Variants in ULBP1 observed in about 807,000 individuals in gnomAD.
ULBP1 encodes UL16 binding protein 1.
ULBP1 carries 28 observed loss-of-function variants against 25.3 expected under a neutral mutation model. The ratio of observed to expected loss-of-function variants is 1.10; its 90% CI spans 0.82 to 1.51. ULBP1 has a LOEUF of 1.51. ULBP1 is among the 40% of genes most tolerant of loss of function. ULBP1 has a pLI of 0.00. For synonymous variants in ULBP1, 129 were observed against 103.0 expected (o/e 1.25, Z -1.53); for missense variants, 348 against 290.9 (o/e 1.20, Z -1.43).
chr6:149,968,132 G>A (rs376933753), intron 1 of ULBP1, among the ~76,000 whole-genome samples: 3 of 152,134 alleles, frequency 2.0e-5, no homozygotes, highest in East Asian at 1.9e-4. Context: ...CTTTGCCAAC[G>A]TGTTAAATCA....
intron 1 of ULBP1, among the ~76,000 whole-genome samples, chr6:149,966,726 G>C (rs1779210812): frequency 6.6e-6 from 1 of 152,108 alleles, no homozygotes; most frequent in Non-Finnish European, 1.5e-5. Context: ...CTCTGAGGCT[G>C]TGTGGTCACT....
chr6:149,970,843 C>T (rs12211095), intron 4 of ULBP1, among the ~76,000 whole-genome samples: 53,079 of 152,190 alleles, frequency 0.35, 11,232 homozygotes, highest in Middle Eastern at 0.49. Context: ...GCAGAGTGGA[C>T]TCAGGCAGGG....
At position 149,970,158 on chromosome 6, in the gene ULBP1, C is replaced by A. The variant is rs768646322; in HGVS notation, c.*22+11C>A. ...TGTTTAGAGTGACAGGTACTGTGGGCAATATTGGGAGGGGAGCAAGAGGCA... is the reference window on the plus strand; with the variant it reads ...TGTTTAGAGTGACAGGTACTGTGGGAAATATTGGGAGGGGAGCAAGAGGCA... On this transcript the variant is annotated intron_variant, in intron 4 of 4. Coordinates refer to ENST00000229708, the MANE Select transcript of ULBP1 (RefSeq NM_025218.4). 8 of 1,570,838 alleles carry A rather than the reference C, an allele frequency of 5.1e-6. No homozygotes were observed. In the South Asian group the frequency reaches 9.4e-5, roughly 18 times the overall value.
intron 1 of ULBP1, among the ~76,000 whole-genome samples, chr6:149,965,129 TC>T (rs1435127047): frequency 3.5e-5 from 5 of 141,158 alleles, no homozygotes; most frequent in African/African-American, 1.4e-4. Flanking sequence ...TCCCCGAACA[TC>T]GCGGTCTCCC....
At chr6:149,969,963 C>T in intron 3 of ULBP1, 53 bp from the exon 4 acceptor site, 1 of 1,563,332 alleles carries the variant, frequency 6.4e-7, no homozygotes, top group Non-Finnish European at 8.7e-7. Flanking sequence ...AGGAGACATC[C>T]CCTAAGATTT....
chr6:149,971,432 G>C lies in ULBP1; in HGVS notation c.*86G>C. On this transcript the variant is annotated 3_prime_UTR_variant, in exon 5 of 5. Coordinates refer to ENST00000229708, the MANE Select transcript of ULBP1 (RefSeq NM_025218.4). ...TGGGTCCTGCTCTCCCTTCAGGGAG[G>C]CCGCCTGTCTACTCACCACTGTGCC... 1.0e-6 allele frequency: 1 copy of C among 980,604 alleles called. No homozygotes were observed. Among genetic ancestry groups the C allele is most frequent in the South Asian group, 4.7e-5 (1 of 21,198 alleles). 60.7% of individuals were successfully genotyped at this position (980,604 alleles called of 1,614,324 possible). A position where few individuals can be genotyped will look rare whatever the true frequency, so the allele number is the denominator to read the frequency against.
chr6:149,967,141 G>C (rs936245885), intron 1 of ULBP1, among the ~76,000 whole-genome samples: 1 of 152,172 alleles, frequency 6.6e-6, no homozygotes, highest in African/African-American at 2.4e-5. Context: ...AATTACCATC[G>C]AATGGGTCTA....
In ULBP1 at chr6:149,964,133, C is replaced by G; in HGVS notation, c.84C>G (p.Val28=). The part of the protein sequence containing the change: ...LLSGWSRAGW[V]DTHCLCYDFI... The stretch of plus-strand genomic sequence containing the variant: ...CTGGCTGGTCCCGGGCAGGATGGGT[C>G]GGTGAGTTCGGGGATGTAGCCTAAG... The change falls in exon 1 of 5, where the codon GTC becomes GTG. Residue 28 remains valine, a splice_region_variant and synonymous_variant. Transcript: ENST00000229708. 6.2e-7 allele frequency: 1 copy of G among 1,614,110 alleles called. No individual in the cohort carries two copies. Among genetic ancestry groups the G allele is most frequent in the Non-Finnish European group, 8.5e-7 (1 of 1,179,988 alleles).
chr6:149,968,962 C>G lies in ULBP1; in HGVS notation c.349+92C>G. The G allele has an allele frequency of 2.6e-6, 4 of 1,555,434 alleles. No individual in the cohort carries two copies. In the South Asian group the frequency reaches 5.0e-5, roughly 20 times the overall value. On this transcript the variant is annotated intron_variant, in intron 2 of 4. Coordinates refer to ENST00000229708, the MANE Select transcript of ULBP1 (RefSeq NM_025218.4). ...AAAAATAAATCAGAAGTTTGTGTCA[C>G]CCAAGAGGTTGAGGAGCATGGGCCG...
At chr6:149,966,612 G>C (rs1779209287) in intron 1 of ULBP1, among the ~76,000 whole-genome samples, 1 of 152,144 alleles carries the variant, frequency 6.6e-6, no homozygotes. Flanking sequence ...GGTTCCCTGT[G>C]GCCCTGCTCC....
At chr6:149,965,054 A>G (rs556003911) in intron 1 of ULBP1, among the ~76,000 whole-genome samples, 90 of 149,316 alleles carry the variant, frequency 6.0e-4, no homozygotes, top group Admixed American at 1.1e-3. Context: ...CCCATAGGCC[A>G]GGAGGCTTCT....
intron 4 of ULBP1, 89 bp from the exon 5 acceptor site, chr6:149,971,280 G>C: frequency 1.1e-6 from 1 of 928,030 alleles, no homozygotes; most frequent in Non-Finnish European, 1.3e-6. Context: ...GAGAGGTTCC[G>C]AAATGGGGAG....
At chr6:149,969,497 C>A in intron 3 of ULBP1, 137 bp downstream of exon 3, 2 of 1,183,514 alleles carry the variant, frequency 1.7e-6, no homozygotes, top group South Asian at 2.9e-5. Context: ...CCTGGGGGTC[C>A]TGGCATGCCT....
At chr6:149,968,919 A>C in intron 2 of ULBP1, 49 bp downstream of exon 2, 1 of 1,573,968 alleles carries the variant, frequency 6.4e-7, no homozygotes, top group Non-Finnish European at 8.6e-7. Flanking sequence ...ACTTAGAGTC[A>C]TTTATTGATT....
chr6:149,969,616 A>T (rs1779275908), intron 3 of ULBP1, among the ~76,000 whole-genome samples: 2 of 152,168 alleles, frequency 1.3e-5, no homozygotes, highest in South Asian at 4.1e-4. Flanking sequence ...TGTGGGTGTC[A>T]TAGTGTTTCC....
At position 149,971,721 on chromosome 6, in the gene ULBP1, T is replaced by C. The variant is rs1209519818; in HGVS notation, c.*375T>C. On this transcript the variant is annotated 3_prime_UTR_variant, in exon 5 of 5. Coordinates refer to ENST00000229708, the MANE Select transcript of ULBP1 (RefSeq NM_025218.4). ...GAAAAGCAGACACTTCTCTGAAACA[T>C]GACCTTATTCTTCCAAACAGTATCG... The C allele has an allele frequency of 6.6e-6, 1 of 152,220 alleles. No homozygotes were observed. Among genetic ancestry groups the C allele is most frequent in the Non-Finnish European group, 1.5e-5 (1 of 68,032 alleles). 9.4% of individuals were successfully genotyped at this position (152,220 alleles called of 1,614,324 possible). A position where few individuals can be genotyped will look rare whatever the true frequency, so the allele number is the denominator to read the frequency against.
chr6:149,970,643 C>T (rs1364600787), intron 4 of ULBP1, among the ~76,000 whole-genome samples: 1 of 152,202 alleles, frequency 6.6e-6, no homozygotes, highest in Non-Finnish European at 1.5e-5. Flanking sequence ...GGCTGCATTC[C>T]CAGAGAAAGC....
intron 1 of ULBP1, among the ~76,000 whole-genome samples, chr6:149,964,977 C>T (rs1351933736): frequency 6.7e-6 from 1 of 148,664 alleles, no homozygotes; most frequent in African/African-American, 2.5e-5. Context: ...ACATGCCCGG[C>T]TGAAGGCACT....
At position 149,972,918 on chromosome 6, in the gene ULBP1, A is replaced by C. The variant is rs1258177841; in HGVS notation, c.*1572A>C. Reference sequence around the variant, plus strand: ...TCAGCCACTATGGAAAGCAGTTTGGAGATTTCTCCAAGAACTTAAAATAGA... The same window carrying C: ...TCAGCCACTATGGAAAGCAGTTTGGCGATTTCTCCAAGAACTTAAAATAGA... On this transcript the variant is annotated 3_prime_UTR_variant, in exon 5 of 5. Transcript: ENST00000229708. 1 of 152,236 alleles carries C rather than the reference A, an allele frequency of 6.6e-6. No homozygotes were observed. Among genetic ancestry groups the C allele is most frequent in the Non-Finnish European group, 1.5e-5 (1 of 68,050 alleles). 9.4% of individuals were successfully genotyped at this position (152,236 alleles called of 1,614,324 possible).
Sources: gnomAD v4.1 joint callset for allele counts (sites outside exome capture counted in the v4.1 genomes callset) on GRCh38, gnomAD v4.1.1 for gene constraint, MANE v1.5 for transcripts, NCBI Gene and HGNC (gene_info 2026-07-23, HGNC 2026-07-21) for gene names.